The following TAFA1 variants were observed in gnomAD, a reference collection of about 807,000 sequenced individuals.
TAFA1 encodes TAFA chemokine like family member 1, also known as chemokine-like protein TAFA-1.
In TAFA1, 4 loss-of-function variants were observed where a neutral mutation model predicts 18.5. The ratio of observed to expected loss-of-function variants is 0.22; its 90% CI spans 0.11 to 0.49. TAFA1 has a LOEUF of 0.49. Ranked by LOEUF, TAFA1 falls within the 20% of genes least tolerant of loss-of-function variation. The probability of loss-of-function intolerance (pLI) is 0.98; values close to 1 mark genes in which losing one functional copy is unlikely to be tolerated. For missense variants in TAFA1, 147 were observed against 169.0 expected (o/e 0.87, Z 0.72); for synonymous variants, 56 against 55.2 (o/e 1.01, Z -0.06).
intron 2 of TAFA1, among the ~76,000 whole-genome samples, chr3:68,356,786 A>G (rs892027422): frequency 6.6e-6 from 1 of 151,998 alleles, no homozygotes; most frequent in East Asian, 1.9e-4. Flanking sequence ...ACACACATAC[A>G]TACATGCATA....
chr3:67,993,353 A>G, the TAFA1 span, among the ~76,000 whole-genome samples: 1 of 152,210 alleles, frequency 6.6e-6, no homozygotes, highest in Admixed American at 6.5e-5. Flanking sequence ...GGTACCATAT[A>G]TTTAGATGGT....
intron 2 of TAFA1, among the ~76,000 whole-genome samples, chr3:68,061,807 T>G (rs77870844): frequency 0.011 from 1,615 of 152,284 alleles, 25 homozygotes; most frequent in African/African-American, 0.036. Flanking sequence ...TGAGGTCATC[T>G]TTCTCCACAA....
intron 2 of TAFA1, among the ~76,000 whole-genome samples, chr3:68,194,138 C>A (rs2066382250): frequency 6.6e-6 from 1 of 151,646 alleles, no homozygotes; most frequent in Non-Finnish European, 1.5e-5. Context: ...AGAACTGGAA[C>A]ACAGTCATTT....
At chr3:68,151,378 T>A (rs2065804343) in intron 2 of TAFA1, among the ~76,000 whole-genome samples, 1 of 152,196 alleles carries the variant, frequency 6.6e-6, no homozygotes, top group Non-Finnish European at 1.5e-5. Flanking sequence ...GATATTTTCC[T>A]GTCCTTTGTA....
chr3:68,167,579 A>G (rs1307121880), intron 2 of TAFA1, among the ~76,000 whole-genome samples: 3 of 136,866 alleles, frequency 2.2e-5, no homozygotes, highest in Admixed American at 1.6e-4. Context: ...TCCGTCTCAA[A>G]AAAAAAACAA....
At chr3:68,484,445 T>G (rs1443968750) in intron 3 of TAFA1, among the ~76,000 whole-genome samples, 1 of 152,120 alleles carries the variant, frequency 6.6e-6, no homozygotes, top group African/African-American at 2.4e-5. Context: ...GGAATTAATT[T>G]GGGATGTGTC....
At chr3:68,254,133 G>GTATGTATGTATGTATGTATC (rs751671637) in intron 2 of TAFA1, among the ~76,000 whole-genome samples, 3 of 111,118 alleles carry the variant, frequency 2.7e-5, no homozygotes, top group Admixed American at 2.0e-4. Flanking sequence ...ATGTATGTAT[G>GTATGTATGTATGTATGTATC]TATCTATCTA....
intron 2 of TAFA1, among the ~76,000 whole-genome samples, chr3:68,366,440 C>T (rs1358139476): frequency 6.6e-6 from 1 of 152,188 alleles, no homozygotes; most frequent in African/African-American, 2.4e-5. Flanking sequence ...CTTTAACATC[C>T]TTACACCTAG....
chr3:68,238,543 A>G (rs1421297049), intron 2 of TAFA1, among the ~76,000 whole-genome samples: 1 of 152,176 alleles, frequency 6.6e-6, no homozygotes, highest in African/African-American at 2.4e-5. Context: ...GCTAATTTTG[A>G]AAATTTTATT....
At chr3:68,219,219 TA>T (rs2066700633) in intron 2 of TAFA1, among the ~76,000 whole-genome samples, 1 of 152,146 alleles carries the variant, frequency 6.6e-6, no homozygotes, top group Non-Finnish European at 1.5e-5. Context: ...AATGCATTTA[TA>T]TTCCCCTCCA....
At chr3:68,128,452 G>T (rs1262394055) in intron 2 of TAFA1, among the ~76,000 whole-genome samples, 1 of 152,182 alleles carries the variant, frequency 6.6e-6, no homozygotes, top group African/African-American at 2.4e-5. Flanking sequence ...CTCACAAGGG[G>T]ACTATGAACA....
chr3:68,522,703 GC>G (rs2073046518), intron 3 of TAFA1, among the ~76,000 whole-genome samples: 1 of 152,032 alleles, frequency 6.6e-6, no homozygotes, highest in Admixed American at 6.6e-5. Context: ...ACAAAAATTA[GC>G]CAGGCATGGC....
At chr3:68,214,685 A>C (rs1039636602) in intron 2 of TAFA1, among the ~76,000 whole-genome samples, 1 of 152,078 alleles carries the variant, frequency 6.6e-6, no homozygotes, top group African/African-American at 2.4e-5. Flanking sequence ...TATGTGCTAA[A>C]TTCTTGATTC....
chr3:68,252,040 TG>T (rs935762665), intron 2 of TAFA1, among the ~76,000 whole-genome samples: 2 of 152,210 alleles, frequency 1.3e-5, no homozygotes, highest in East Asian at 3.9e-4. Flanking sequence ...TCCATGTATA[TG>T]TGCTCTGTCA....
At chr3:68,178,504 A>G (rs2066155258) in intron 2 of TAFA1, among the ~76,000 whole-genome samples, 12 of 152,238 alleles carry the variant, frequency 7.9e-5, no homozygotes, top group Admixed American at 7.9e-4. Flanking sequence ...AGAGATGGGT[A>G]TGAGAATTAA....
intron 2 of TAFA1, among the ~76,000 whole-genome samples, chr3:68,356,919 CA>C (rs2069376550): frequency 6.6e-6 from 1 of 151,880 alleles, no homozygotes; most frequent in African/African-American, 2.4e-5. Context: ...CAGAAACTAG[CA>C]CAGCTAGTAT....
intron 2 of TAFA1, among the ~76,000 whole-genome samples, chr3:68,227,577 G>C (rs1270637597): frequency 6.6e-6 from 1 of 152,024 alleles, no homozygotes; most frequent in East Asian, 1.9e-4. Context: ...AGGCATATTG[G>C]GGAAAAACTG....
intron 2 of TAFA1, among the ~76,000 whole-genome samples, chr3:68,133,871 C>A (rs2065573186): frequency 6.6e-6 from 1 of 151,716 alleles, no homozygotes; most frequent in African/African-American, 2.4e-5. Context: ...GACATAATAT[C>A]CATATGAGAA....
At chr3:67,995,984 T>A in the TAFA1 span, among the ~76,000 whole-genome samples, 2 of 152,244 alleles carry the variant, frequency 1.3e-5, no homozygotes, top group African/African-American at 2.4e-5. Context: ...TAAATATTGA[T>A]TAGGCACCTA....
Sources: gnomAD v4.1 joint callset for allele counts (sites outside exome capture counted in the v4.1 genomes callset) on GRCh38, gnomAD v4.1.1 for gene constraint, MANE v1.5 for transcripts, NCBI Gene and HGNC (gene_info 2026-07-23, HGNC 2026-07-21) for gene names.